GTF2IRD1: variants seen among roughly 807,000 people sequenced by gnomAD.
GTF2IRD1 encodes the protein general transcription factor II-I repeat domain-containing protein 1.
Under a neutral mutation model 113.2 loss-of-function variants are expected in GTF2IRD1, and 26 were observed. The observed-to-expected ratio is 0.23, with a 90% CI of 0.17 to 0.32. GTF2IRD1 has a LOEUF of 0.32. GTF2IRD1 is among the 10% of genes least tolerant of loss of function. GTF2IRD1 has a pLI of 1.00. For synonymous variants in GTF2IRD1, 484 were observed against 529.1 expected (o/e 0.91, Z 1.17); for missense variants, 864 against 1,280.8 (o/e 0.67, Z 4.97).
chr7:74,492,143 A>C (rs1554336853), intron 1 of GTF2IRD1, among the ~76,000 whole-genome samples: 1 of 151,624 alleles, frequency 6.6e-6, no homozygotes, highest in African/African-American at 2.4e-5. Flanking sequence ...AGCTGGGATT[A>C]CAGGCACACA....
chr7:74,533,703 A>C (rs1251494139), intron 9 of GTF2IRD1, among the ~76,000 whole-genome samples: 1 of 152,020 alleles, frequency 6.6e-6, no homozygotes, highest in Non-Finnish European at 1.5e-5. Flanking sequence ...CTGGCCGCTC[A>C]CTGCTTGGGC....
At chr7:74,521,025 G>A (rs1298879714) in intron 6 of GTF2IRD1, among the ~76,000 whole-genome samples, 183 bp from the exon 7 acceptor site, 1 of 151,982 alleles carries the variant, frequency 6.6e-6, no homozygotes, top group Non-Finnish European at 1.5e-5. Context: ...AGATTCTGGT[G>A]CAGAATGTCT....
chr7:74,554,837 C>T (rs1799502094), intron 17 of GTF2IRD1, among the ~76,000 whole-genome samples: 3 of 152,202 alleles, frequency 2.0e-5, no homozygotes, highest in African/African-American at 7.2e-5. Flanking sequence ...TGCACCTGAC[C>T]TTGTTTCTAC....
intron 1 of GTF2IRD1, among the ~76,000 whole-genome samples, chr7:74,501,550 C>G (rs1796033194): frequency 6.6e-6 from 1 of 152,200 alleles, no homozygotes; most frequent in Non-Finnish European, 1.5e-5. Context: ...TCCATGCCAC[C>G]TTGGCACTTA....
intron 25 of GTF2IRD1, among the ~76,000 whole-genome samples, chr7:74,600,518 G>T (rs1204532354): frequency 2.0e-5 from 3 of 152,124 alleles, no homozygotes; most frequent in African/African-American, 7.2e-5. Context: ...AGAGCTGCCT[G>T]CCCAACACGG....
At chr7:74,601,618 C>T (rs1278101376) in intron 26 of GTF2IRD1, 6 of 514,740 alleles carry the variant, frequency 1.2e-5, no homozygotes, top group Non-Finnish European at 1.8e-5. Flanking sequence ...ACTAAAAATA[C>T]AAAATTAGCC....
intron 9 of GTF2IRD1, among the ~76,000 whole-genome samples, chr7:74,533,006 G>A (rs1200088429): frequency 7.9e-5 from 12 of 152,162 alleles, no homozygotes; most frequent in African/African-American, 2.9e-4. Context: ...TGGGGCTGAG[G>A]TTAGAAGGGA....
At chr7:74,525,742 G>A (rs587625391) in intron 8 of GTF2IRD1, among the ~76,000 whole-genome samples, 27 of 152,108 alleles carry the variant, frequency 1.8e-4, no homozygotes, top group African/African-American at 5.3e-4. Context: ...GGGTGACAGA[G>A]TGAGACTTTC....
chr7:74,574,859 T>G (rs1015442732), intron 22 of GTF2IRD1, among the ~76,000 whole-genome samples: 1 of 149,468 alleles, frequency 6.7e-6, no homozygotes, highest in Non-Finnish European at 1.5e-5. Flanking sequence ...GAGGCTGAGG[T>G]GGGCGGATCA....
intron 3 of GTF2IRD1, among the ~76,000 whole-genome samples, chr7:74,514,330 A>T (rs587705301): frequency 1.3e-5 from 2 of 152,080 alleles, no homozygotes; most frequent in East Asian, 3.9e-4. Context: ...CAGCCCTCAG[A>T]GCCTAGACCT....
intron 8 of GTF2IRD1, 143 bp downstream of exon 8, chr7:74,524,297 G>A (rs1471175175): frequency 1.5e-5 from 9 of 611,564 alleles, no homozygotes; most frequent in Non-Finnish European, 2.6e-5. Flanking sequence ...GTCATCCGTC[G>A]CGGGCTCCTC....
intron 15 of GTF2IRD1, among the ~76,000 whole-genome samples, chr7:74,545,069 C>T (rs1306699863): frequency 6.6e-6 from 1 of 152,302 alleles, no homozygotes; most frequent in Non-Finnish European, 1.5e-5. Context: ...TTTTATTACA[C>T]ACCCTGCTGC....
At chr7:74,478,911 A>G (rs1264005150) in intron 1 of GTF2IRD1, among the ~76,000 whole-genome samples, 1 of 150,364 alleles carries the variant, frequency 6.7e-6, no homozygotes, top group Non-Finnish European at 1.5e-5. Flanking sequence ...ACACTAGGCT[A>G]ATTAAAAAAA....
chr7:74,569,603 T>C (rs1273560889), intron 22 of GTF2IRD1, among the ~76,000 whole-genome samples: 1 of 152,190 alleles, frequency 6.6e-6, no homozygotes, highest in African/African-American at 2.4e-5. Context: ...ACGATCAGAT[T>C]TGCGCTGTCT....
intron 9 of GTF2IRD1, among the ~76,000 whole-genome samples, chr7:74,534,433 C>A (rs926970187): frequency 4.6e-5 from 7 of 152,170 alleles, no homozygotes; most frequent in African/African-American, 1.7e-4. Context: ...GAAACCCCAT[C>A]TCTACTAAAA....
chr7:74,524,494 G>C (rs1465192227), intron 8 of GTF2IRD1, among the ~76,000 whole-genome samples: 3 of 152,164 alleles, frequency 2.0e-5, no homozygotes, highest in Non-Finnish European at 4.4e-5. Flanking sequence ...GGAGGCCACG[G>C]TGGGAGGATC....
In GTF2IRD1 at chr7:74,513,640, A is replaced by C. The variant is rs569533223; in HGVS notation, c.265+669A>C. Among the ~76,000 whole-genome samples, 34 of 152,254 alleles carry C rather than the reference A, an allele frequency of 2.2e-4. No individual in the cohort carries two copies. The South Asian group carries it at 7.1e-3, about 32-fold the overall frequency. On this transcript the variant is annotated intron_variant, in intron 3 of 26. Coordinates refer to ENST00000424337, the MANE Select transcript of GTF2IRD1 (RefSeq NM_005685.4). The stretch of plus-strand genomic sequence containing the variant: ...AAGATTTATTGAATGCCTGCTGTAC[A>C]TAGCATCTTTTCTGATGCTAACTCA...
In GTF2IRD1 at chr7:74,555,644, C is replaced by T. The variant is rs868961137; in HGVS notation, c.2023+150C>T. On this transcript the variant is annotated intron_variant, in intron 19 of 26. Transcript: ENST00000424337. This position sits in a 1 kb window ranked among gnomAD's most constrained non-coding sequence, Gnocchi z 5.3. Reference sequence around the variant, plus strand: ...GCAAGCCAGGTTGGCAGCCCAGGCCCGGCTGTACCCTGCCAGCTCTGTGTT... The same window carrying T: ...GCAAGCCAGGTTGGCAGCCCAGGCCTGGCTGTACCCTGCCAGCTCTGTGTT... The T allele has an allele frequency of 7.4e-5, 46 of 622,374 alleles. No homozygotes were observed. The highest frequency in any genetic ancestry group is 2.3e-4 in the Admixed American group (9 of 39,252). 38.6% of individuals were successfully genotyped at this position (622,374 alleles called of 1,614,324 possible).
intron 1 of GTF2IRD1, among the ~76,000 whole-genome samples, chr7:74,490,546 C>CG (rs1162426296): frequency 6.7e-6 from 1 of 149,066 alleles, no homozygotes; most frequent in Non-Finnish European, 1.5e-5. Flanking sequence ...AAGGATACCC[C>CG]CCCCCCCGCC....
Sources: allele counts gnomAD v4.1 joint callset (sites outside exome capture counted in the v4.1 genomes callset), GRCh38; gene constraint gnomAD v4.1.1; non-coding constraint Gnocchi (gnomAD v3.1); transcripts MANE v1.5; gene names NCBI Gene and HGNC (gene_info 2026-07-23, HGNC 2026-07-21).